Variants in SPMIP8 observed in about 807,000 individuals in gnomAD.
SPMIP8 encodes the protein testicular tissue protein Li 196.
chr16:57,978,861 C>G, the SPMIP8 span, among the ~76,000 whole-genome samples: 1 of 152,176 alleles, frequency 6.6e-6, no homozygotes, highest in Non-Finnish European at 1.5e-5. Flanking sequence ...AAACGATCCT[C>G]CTGCCTTGGC....
the SPMIP8 span, chr16:57,987,234 A>G: frequency 1.6e-6 from 1 of 627,894 alleles, no homozygotes; most frequent in African/African-American, 1.9e-5. Flanking sequence ...TTGAAAGCTA[A>G]GGAGGACAGC....
At chr16:57,976,553 C>G in the SPMIP8 span, 1 of 1,614,168 alleles carries the variant, frequency 6.2e-7, no homozygotes, top group South Asian at 1.1e-5. Flanking sequence ...CCTCTTCTGC[C>G]CATTGAGCAG....
chr16:57,982,757 C>G, the SPMIP8 span, among the ~76,000 whole-genome samples: 1 of 152,212 alleles, frequency 6.6e-6, no homozygotes, highest in Admixed American at 6.5e-5. Context: ...AGGCCGGGCG[C>G]AGTGGCTCAC....
chr16:57,986,147 C>T, the SPMIP8 span: 1 of 514,228 alleles, frequency 1.9e-6, no homozygotes, highest in Non-Finnish European at 3.2e-6. Context: ...TGGGGGTGGA[C>T]GCGGGAGGGG....
At chr16:57,986,741 GC>G in the SPMIP8 span, 2 of 152,262 alleles carry the variant, frequency 1.3e-5, no homozygotes, top group African/African-American at 4.8e-5. Flanking sequence ...TTACAGGTGC[GC>G]ATGACCAAGC....
the SPMIP8 span, chr16:57,976,580 C>G: frequency 6.2e-7 from 1 of 1,614,202 alleles, no homozygotes; most frequent in South Asian, 1.1e-5. Flanking sequence ...AACTGAAAGT[C>G]CTTATAAGCC....
chr16:57,984,498 G>T, the SPMIP8 span: 1 of 1,513,660 alleles, frequency 6.6e-7, no homozygotes, highest in Non-Finnish European at 9.0e-7. Context: ...CACCCCATCC[G>T]GGTTCACGAC....
chr16:57,987,438 G>A, the SPMIP8 span: 1 of 1,590,710 alleles, frequency 6.3e-7, no homozygotes, highest in Non-Finnish European at 8.6e-7. Context: ...CTCTGGAAAG[G>A]AGGCTGACTC....
chr16:57,985,636 T>A, the SPMIP8 span: 2 of 1,486,216 alleles, frequency 1.3e-6, no homozygotes, highest in East Asian at 2.4e-5. Flanking sequence ...CAATGCCCCT[T>A]GAAAACGTGA....
At chr16:57,984,921 C>A in the SPMIP8 span, 1 of 1,389,558 alleles carries the variant, frequency 7.2e-7, no homozygotes, top group Non-Finnish European at 9.6e-7. Context: ...AGAAACAGGG[C>A]GGGGCCGCTG....
the SPMIP8 span, among the ~76,000 whole-genome samples, chr16:57,981,604 C>T: frequency 6.8e-6 from 1 of 146,154 alleles, no homozygotes; most frequent in Admixed American, 6.9e-5. Context: ...TTCCGCCTCC[C>T]CGGTTCAAGT....
chr16:57,981,082 T>C, the SPMIP8 span, among the ~76,000 whole-genome samples: 1 of 152,068 alleles, frequency 6.6e-6, no homozygotes, highest in African/African-American at 2.4e-5. Flanking sequence ...TAGGTCCTGT[T>C]AATAATCTGG....
chr16:57,985,143 A>T, the SPMIP8 span: 1 of 1,320,202 alleles, frequency 7.6e-7, no homozygotes, highest in Non-Finnish European at 9.6e-7. Context: ...GGCTTAGATG[A>T]GGAGGCGGGG....
At chr16:57,985,776 G>A in the SPMIP8 span, 1 of 1,280,698 alleles carries the variant, frequency 7.8e-7, no homozygotes, top group African/African-American at 1.5e-5. Context: ...GGAGGCGTTC[G>A]CATTGGGTGA....
the SPMIP8 span, among the ~76,000 whole-genome samples, chr16:57,977,407 C>CAAAAAAAAAAAAAAAAA: frequency 1.2e-4 from 12 of 99,722 alleles, no homozygotes; most frequent in Non-Finnish European, 2.0e-4. Context: ...GAGACTGTCT[C>CAAAAAAAAAAAAAAAAA]AAAAAAAAAA....
the SPMIP8 span, among the ~76,000 whole-genome samples, chr16:57,978,323 T>C: frequency 1.3e-5 from 2 of 152,218 alleles, no homozygotes; most frequent in South Asian, 2.1e-4. Flanking sequence ...GCTGATAACC[T>C]GAGGTCAGGA....
At chr16:57,976,784 C>G in the SPMIP8 span, 1 of 889,298 alleles carries the variant, frequency 1.1e-6, no homozygotes, top group Non-Finnish European at 1.7e-6. Flanking sequence ...AAGGTCCTCT[C>G]TCCTCCTGCC....
At chr16:57,987,593 G>A in the SPMIP8 span, 2 of 727,680 alleles carry the variant, frequency 2.7e-6, no homozygotes, top group Non-Finnish European at 4.0e-6. Context: ...CTGTCTGTGT[G>A]TGTTGCACAG....
At chr16:57,981,401 T>TATTATTATTATTATTATTATA in the SPMIP8 span, among the ~76,000 whole-genome samples, 2 of 142,588 alleles carry the variant, frequency 1.4e-5, no homozygotes, top group East Asian at 3.9e-4. Context: ...TAATTATTAT[T>TATTATTATTATTATTATTATA]ATTATAATAA....
Sources: gnomAD v4.1 joint callset for allele counts (sites outside exome capture counted in the v4.1 genomes callset) on GRCh38, gnomAD v4.1.1 for gene constraint, MANE v1.5 for transcripts, NCBI Gene and HGNC (gene_info 2026-07-23, HGNC 2026-07-21) for gene names.